The following MSANTD5 variants were observed in gnomAD, a reference collection of about 807,000 sequenced individuals.
MSANTD5 encodes the protein Myb/SANT DNA binding domain containing 5.
downstream of MSANTD5, among the ~76,000 whole-genome samples, chr5:178,693,848 C>T (rs571456140): frequency 1.7e-4 from 26 of 152,134 alleles, no homozygotes; most frequent in Admixed American, 4.6e-4. Flanking sequence ...TCCAAGTCCC[C>T]ACCCGACCCA....
At chr5:178,702,301 CTTTTTT>C (rs372575693), upstream of MSANTD5, among the ~76,000 whole-genome samples, 6 of 133,374 alleles carry the variant, frequency 4.5e-5, no homozygotes, top group African/African-American at 8.2e-5. Context: ...CTTTTTTTTT[CTTTTTT>C]TTTTTTTTTT....
At chr5:178,703,094 G>A in the MSANTD5 span, among the ~76,000 whole-genome samples, 1 of 152,202 alleles carries the variant, frequency 6.6e-6, no homozygotes, top group Non-Finnish European at 1.5e-5. Flanking sequence ...GTTCCTCTCT[G>A]GCTCTCAGCC....
chr5:178,694,754 C>T (rs2169762), exon 4 of MSANTD5: 37,326 of 151,902 alleles, frequency 0.25, 4,994 homozygotes, highest in East Asian at 0.36. Context: ...CTGGGGCTGC[C>T]GGAGGCAAAG....
chr5:178,693,625 G>A (rs1479627300), downstream of MSANTD5, among the ~76,000 whole-genome samples: 3 of 152,036 alleles, frequency 2.0e-5, no homozygotes, highest in African/African-American at 4.8e-5. Context: ...CCCACAGCAC[G>A]AAAGAGGACC....
chr5:178,707,438 GC>G, the MSANTD5 span, among the ~76,000 whole-genome samples: 2 of 151,278 alleles, frequency 1.3e-5, no homozygotes, highest in East Asian at 3.9e-4. Context: ...TGCACTTCTG[GC>G]GGGGCGCGGT....
chr5:178,700,302 A>T (rs757207627), upstream of MSANTD5, among the ~76,000 whole-genome samples: 8 of 152,172 alleles, frequency 5.3e-5, no homozygotes, highest in Non-Finnish European at 8.8e-5. Context: ...TCTTGTCTAC[A>T]GGTGAATCCC....
At chr5:178,704,044 T>C in the MSANTD5 span, among the ~76,000 whole-genome samples, 1 of 151,942 alleles carries the variant, frequency 6.6e-6, no homozygotes, top group Non-Finnish European at 1.5e-5. Context: ...TATACTGATC[T>C]AATTTTTACC....
chr5:178,701,248 A>G (rs2113857379), upstream of MSANTD5, among the ~76,000 whole-genome samples: 1 of 152,182 alleles, frequency 6.6e-6, no homozygotes, highest in South Asian at 2.1e-4. Context: ...AAGTGCTGGG[A>G]TTACATGCGT....
chr5:178,704,042 T>C, the MSANTD5 span, among the ~76,000 whole-genome samples: 1 of 151,650 alleles, frequency 6.6e-6, no homozygotes, highest in African/African-American at 2.4e-5. Flanking sequence ...ATTATACTGA[T>C]CTAATTTTTA....
downstream of MSANTD5, among the ~76,000 whole-genome samples, chr5:178,693,454 T>C (rs1765377137): frequency 2.0e-5 from 3 of 152,032 alleles, no homozygotes; most frequent in South Asian, 6.2e-4. Flanking sequence ...CCTTCAGATA[T>C]GTCCGGAGTT....
downstream of MSANTD5, among the ~76,000 whole-genome samples, chr5:178,694,361 G>A (rs1765388118): frequency 6.7e-6 from 1 of 150,196 alleles, no homozygotes; most frequent in East Asian, 2.0e-4. Context: ...ACACAGCCAG[G>A]AAATGAAGGC....
At chr5:178,705,206 C>A in the MSANTD5 span, among the ~76,000 whole-genome samples, 59 of 152,254 alleles carry the variant, frequency 3.9e-4, no homozygotes, top group Non-Finnish European at 6.6e-4. Flanking sequence ...CGCAAGCAAT[C>A]CTGGCTACTT....
chr5:178,705,025 G>A, the MSANTD5 span, among the ~76,000 whole-genome samples: 27 of 152,024 alleles, frequency 1.8e-4, no homozygotes, highest in Non-Finnish European at 5.9e-5. Flanking sequence ...GTGGGTGCTG[G>A]GTATCAAGAC....
chr5:178,697,432 C>A (rs1043254551), intron 1 of MSANTD5, among the ~76,000 whole-genome samples, 154 bp downstream of exon 1: 2 of 152,116 alleles, frequency 1.3e-5, no homozygotes, highest in Non-Finnish European at 2.9e-5. Context: ...CCAGCCTGGG[C>A]GACAGAGCGA....
At chr5:178,696,487 A>G (rs1023309013) in intron 1 of MSANTD5, among the ~76,000 whole-genome samples, 1 of 152,140 alleles carries the variant, frequency 6.6e-6, no homozygotes, top group South Asian at 2.1e-4. Context: ...TGGACTCCCA[A>G]AGTGCTGGGA....
the MSANTD5 span, among the ~76,000 whole-genome samples, chr5:178,703,980 C>CA: frequency 0.011 from 672 of 59,892 alleles, 3 homozygotes; most frequent in African/African-American, 0.018. Context: ...GACTCCGTCT[C>CA]AAAAAAAAAA....
downstream of MSANTD5, among the ~76,000 whole-genome samples, chr5:178,693,991 T>C (rs770548610): frequency 6.6e-6 from 1 of 152,020 alleles, no homozygotes; most frequent in Non-Finnish European, 1.5e-5. Flanking sequence ...GCTTTAATTT[T>C]AATACGAGGA....
the MSANTD5 span, among the ~76,000 whole-genome samples, chr5:178,705,539 C>A: frequency 6.6e-6 from 1 of 152,186 alleles, no homozygotes; most frequent in Non-Finnish European, 1.5e-5. Flanking sequence ...TGGCATCAGC[C>A]AAATCCCTTC....
At chr5:178,702,935 AAGT>A in the MSANTD5 span, among the ~76,000 whole-genome samples, 1 of 152,102 alleles carries the variant, frequency 6.6e-6, no homozygotes, top group Admixed American at 6.5e-5. Context: ...AGAGGATCTG[AAGT>A]AGTAGGTGAG....
Sources: allele counts gnomAD v4.1 joint callset (sites outside exome capture counted in the v4.1 genomes callset), GRCh38; gene constraint gnomAD v4.1.1; transcripts MANE v1.5; gene names NCBI Gene and HGNC (gene_info 2026-07-23, HGNC 2026-07-21).